Variants in PHF21A observed in about 807,000 individuals in gnomAD.
PHF21A encodes the protein PHD finger protein 21A.
PHF21A carries 11 observed loss-of-function variants against 82.5 expected under a neutral mutation model. That is an observed-to-expected ratio of 0.13 (90% CI 0.08 to 0.22). The LOEUF (loss-of-function observed/expected upper bound fraction) is 0.22, where lower values mean the gene tolerates loss of function less well. Among genes scored for constraint, PHF21A ranks in the 10% least tolerant of loss-of-function variants. The probability of loss-of-function intolerance (pLI) is 1.00; values close to 1 mark genes in which losing one functional copy is unlikely to be tolerated. For synonymous variants in PHF21A, 297 were observed against 302.8 expected (o/e 0.98, Z 0.20); for missense variants, 579 against 837.8 (o/e 0.69, Z 3.81).
intron 6 of PHF21A, among the ~76,000 whole-genome samples, chr11:46,043,943 T>C (rs535566316): frequency 6.6e-6 from 1 of 152,324 alleles, no homozygotes; most frequent in East Asian, 1.9e-4. Flanking sequence ...ATATACTTAA[T>C]GATTTATATC....
chr11:46,075,639 G>A (rs2096716309), intron 6 of PHF21A, among the ~76,000 whole-genome samples: 1 of 152,160 alleles, frequency 6.6e-6, no homozygotes, highest in African/African-American at 2.4e-5. Flanking sequence ...CCTGTCTGTG[G>A]AGAAGACAAG....
At chr11:46,099,401 A>C (rs1207009591) in intron 1 of PHF21A, among the ~76,000 whole-genome samples, 3 of 152,142 alleles carry the variant, frequency 2.0e-5, no homozygotes. Context: ...GATGAGCAAA[A>C]CTAACTAAAT....
At chr11:46,012,283 CCT>C (rs1218576665) in intron 6 of PHF21A, among the ~76,000 whole-genome samples, 3 of 152,166 alleles carry the variant, frequency 2.0e-5, no homozygotes, top group Admixed American at 2.0e-4. Context: ...TCTTCTTGGG[CCT>C]CTCTGCTTTC....
intron 6 of PHF21A, among the ~76,000 whole-genome samples, chr11:46,052,363 G>A (rs1042329013): frequency 1.3e-5 from 2 of 152,114 alleles, no homozygotes; most frequent in Non-Finnish European, 2.9e-5. Context: ...CTATATCCCT[G>A]AACTTACTAC....
chr11:46,100,557 C>T (rs972412284), intron 1 of PHF21A, among the ~76,000 whole-genome samples: 1 of 152,110 alleles, frequency 6.6e-6, no homozygotes, highest in African/African-American at 2.4e-5. Flanking sequence ...GTAGAGGGAA[C>T]TTATTAAAGG....
chr11:46,006,674 A>C (rs1420855670), intron 6 of PHF21A, among the ~76,000 whole-genome samples: 3 of 152,230 alleles, frequency 2.0e-5, no homozygotes, highest in African/African-American at 7.2e-5. Flanking sequence ...AGGTTACTAC[A>C]ATCTATTCAG....
At chr11:46,025,775 T>C (rs774591081) in intron 6 of PHF21A, among the ~76,000 whole-genome samples, 16 of 152,316 alleles carry the variant, frequency 1.1e-4, no homozygotes, top group Non-Finnish European at 2.1e-4. Context: ...CTGGAATTAT[T>C]TGCAAGTCAT....
At chr11:45,953,703 G>C in intron 10 of PHF21A, 78 bp from the exon 11 acceptor site, 2 of 833,648 alleles carry the variant, frequency 2.4e-6, no homozygotes, top group East Asian at 5.3e-5. Context: ...TTTAATAGTA[G>C]TAGTCAAGAA....
rs184153968 is a variant in PHF21A at position 46,024,248 on chromosome 11, T to C, written c.154-44282A>G. 2.6e-5 allele frequency among the ~76,000 whole-genome samples: 4 copies of C among 152,240 alleles called. No homozygotes were observed. In the East Asian group the frequency reaches 7.7e-4, roughly 29 times the overall value. On this transcript the variant is annotated intron_variant, in intron 6 of 18. Coordinates refer to ENST00000676320, the MANE Select transcript of PHF21A (RefSeq NM_001352027.3). ...AAATTATTATCTTCTCTGACTTTCC[T>C]ATTTCTCCCACTTACATGTCTAGGC...
At chr11:45,964,975 C>G (rs1391236003) in intron 10 of PHF21A, among the ~76,000 whole-genome samples, 1 of 152,082 alleles carries the variant, frequency 6.6e-6, no homozygotes, top group African/African-American at 2.4e-5. Context: ...CTTATTGGGC[C>G]GAAACTAACA....
intron 6 of PHF21A, among the ~76,000 whole-genome samples, chr11:46,037,433 G>C (rs1001483207): frequency 2.6e-5 from 4 of 152,138 alleles, no homozygotes. Context: ...CCTGAGGTCA[G>C]GAGTTCAAGA....
intron 6 of PHF21A, among the ~76,000 whole-genome samples, chr11:45,991,666 A>T (rs966797140): frequency 6.6e-6 from 1 of 152,158 alleles, no homozygotes; most frequent in South Asian, 2.1e-4. Context: ...TGGGTCGAGA[A>T]ACCTAGGTTC....
intron 1 of PHF21A, among the ~76,000 whole-genome samples, chr11:46,100,982 T>C (rs1472489662): frequency 2.6e-5 from 4 of 152,190 alleles, no homozygotes; most frequent in South Asian, 2.1e-4. Context: ...TTGGGTTAAA[T>C]AGAAATAGAA....
chr11:46,102,919 CAG>C (rs1431710626), intron 1 of PHF21A, among the ~76,000 whole-genome samples: 1 of 152,078 alleles, frequency 6.6e-6, no homozygotes, highest in Non-Finnish European at 1.5e-5. Flanking sequence ...AGAAATAAAA[CAG>C]TGGTGGCTTG....
chr11:46,101,697 G>A (rs767507866), intron 1 of PHF21A, among the ~76,000 whole-genome samples: 2 of 151,964 alleles, frequency 1.3e-5, no homozygotes, highest in African/African-American at 4.8e-5. Flanking sequence ...CAGTGGCATG[G>A]CACAATCACA....
chr11:46,111,038 G>T (rs952472836), intron 1 of PHF21A, among the ~76,000 whole-genome samples: 1 of 151,572 alleles, frequency 6.6e-6, no homozygotes, highest in African/African-American at 2.4e-5. Context: ...ACCCGCCTCA[G>T]CCTACCAAAG....
intron 6 of PHF21A, among the ~76,000 whole-genome samples, chr11:45,987,986 A>G (rs1454223826): frequency 6.6e-6 from 1 of 152,212 alleles, no homozygotes; most frequent in African/African-American, 2.4e-5. Flanking sequence ...ATGGCTGCAC[A>G]GTAGCTGTCC....
intron 6 of PHF21A, among the ~76,000 whole-genome samples, chr11:46,038,244 A>G (rs1016408909): frequency 1.3e-5 from 2 of 151,680 alleles, no homozygotes; most frequent in Non-Finnish European, 2.9e-5. Flanking sequence ...CTCCTGCCTC[A>G]GCCTCCTGAG....
chr11:46,035,494 G>C (rs547521934), intron 6 of PHF21A, among the ~76,000 whole-genome samples: 2 of 152,094 alleles, frequency 1.3e-5, no homozygotes, highest in Non-Finnish European at 2.9e-5. Flanking sequence ...ATATTCCCTT[G>C]AATAGGCAGG....
Sources: gnomAD v4.1 joint callset for allele counts (sites outside exome capture counted in the v4.1 genomes callset) on GRCh38, gnomAD v4.1.1 for gene constraint, MANE v1.5 for transcripts, NCBI Gene and HGNC (gene_info 2026-07-23, HGNC 2026-07-21) for gene names.